Variants in KPNA2 observed in about 807,000 individuals in gnomAD.
KPNA2 encodes karyopherin subunit alpha 2.
A neutral mutation model predicts 53.7 loss-of-function variants in KPNA2; 20 were observed. That is an observed-to-expected ratio of 0.37 (90% CI 0.26 to 0.54). The LOEUF is 0.54. Ranked by LOEUF, KPNA2 falls within the 20% of genes least tolerant of loss-of-function variation. The pLI, the probability that KPNA2 is intolerant of heterozygous loss-of-function variation, is 0.83. For missense variants in KPNA2, 515 were observed against 640.3 expected (o/e 0.80, Z 2.11); for synonymous variants, 238 against 227.5 (o/e 1.05, Z -0.42).
rs1432180767 is a variant in KPNA2, at chr17:68,044,369, A to T, written c.1213A>T (p.Thr405Ser). 1 of 1,613,934 alleles carries T rather than the reference A, an allele frequency of 6.2e-7. No homozygotes were observed. The highest frequency in any genetic ancestry group is 8.5e-7 in the Non-Finnish European group (1 of 1,179,922). The part of the protein sequence containing the change: ...KEAVWAVTNY[T>S]SGGTVEQIVY... ...AGCTGTGTGGGCCGTGACCAACTATACCAGTGGTGGAACAGTTGAACAGAT... is the reference window on the plus strand; with the variant it reads ...AGCTGTGTGGGCCGTGACCAACTATTCCAGTGGTGGAACAGTTGAACAGAT... Residue 405 changes from threonine to serine, a missense_variant, in exon 9 of 11, where the codon ACC becomes TCC. By Grantham distance (58) the Thr-to-Ser change is moderately conservative. Transcript: ENST00000330459.
At chr17:68,036,928 G>A (rs1361753151) in intron 1 of KPNA2, 182 bp from the exon 2 acceptor site, 2 of 518,898 alleles carry the variant, frequency 3.9e-6, no homozygotes, top group Non-Finnish European at 6.8e-6. Context: ...CAGCCCTTTA[G>A]AGGGAAGGGG....
Position 68,045,772 on chromosome 17 carries a change from G to A in KPNA2, c.1348G>A (p.Ala450Thr). 6 of 1,532,752 alleles carry A rather than the reference G, an allele frequency of 3.9e-6. No homozygotes were observed. The highest frequency in any genetic ancestry group is 5.2e-6 in the Non-Finnish European group (6 of 1,144,990). 94.9% of individuals were successfully genotyped at this position (1,532,752 alleles called of 1,614,324 possible). A position where few individuals can be genotyped will look rare whatever the true frequency, so the allele number is the denominator to read the frequency against. ...ILDAISNIFQ[A>T]AEKLGETEKL... ...AAACTTGGATTTTTTTTTTTTTTAG[G>A]CTGCTGAGAAACTAGGTGAAACTGA... The change falls in exon 10 of 11, where the codon GCT becomes ACT. Residue 450 changes from alanine (A) to threonine (T), a missense_variant and splice_region_variant. Coordinates refer to ENST00000330459, the MANE Select transcript of KPNA2 (RefSeq NM_002266.4).
rs1333896035 is a variant in KPNA2 at position 68,040,614 on chromosome 17, G to T, written c.214-64G>T. The T allele has an allele frequency of 3.7e-6, 4 of 1,072,442 alleles. No individual in the cohort carries two copies. In the Admixed American group the frequency reaches 5.3e-5, roughly 14 times the overall value. 66.4% of individuals were successfully genotyped at this position (1,072,442 alleles called of 1,614,324 possible). ...TGTTTACACTTGCCTTCACAAGTAA[G>T]TGTGGATTTTATTGTTTGTATTTAA... On this transcript the variant is annotated intron_variant, in intron 3 of 10. Coordinates refer to ENST00000330459, the MANE Select transcript of KPNA2 (RefSeq NM_002266.4).
chr17:68,043,908 C>G lies in KPNA2; in HGVS notation c.1001C>G (p.Ala334Gly), dbSNP rs782405067. The G allele has an allele frequency of 1.5e-5, 24 of 1,613,186 alleles. No individual in the cohort carries two copies. The highest frequency in any genetic ancestry group is 1.9e-5 in the Non-Finnish European group (22 of 1,179,596). Residue 334 changes from alanine (A) to glycine (G), a missense_variant, in exon 8 of 11, where the codon GCA becomes GGA. Coordinates refer to ENST00000330459, the MANE Select transcript of KPNA2 (RefSeq NM_002266.4). ...TDEQTQVVIDAGALAVFPSLL... is the reference protein window; with the variant it reads ...TDEQTQVVIDGGALAVFPSLL... ...GAACAGACTCAGGTTGTGATTGATG[C>G]AGGAGCACTCGCCGTCTTTCCCAGC...
At chr17:68,036,949 C>A (rs782142318) in intron 1 of KPNA2, 161 bp from the exon 2 acceptor site, 2 of 576,162 alleles carry the variant, frequency 3.5e-6, no homozygotes, top group Non-Finnish European at 6.1e-6. Context: ...GACACTTCCC[C>A]TTTGGGTAAA....
rs139792733 is a variant in KPNA2 at position 68,037,489 on chromosome 17, C to G, written c.207C>G (p.Asn69Lys). The change falls in exon 3 of 11, where the codon AAC (asparagine) becomes AAG (lysine). Residue 69 changes from asparagine to lysine, a missense_variant. By Grantham distance (94) the Asn-to-Lys change is moderately conservative. Coordinates refer to ENST00000330459, the MANE Select transcript of KPNA2 (RefSeq NM_002266.4). ...CTTCTCCGCTGCAGGAAAACCGCAA[C>G]AACCAGGTAAAAAATGTATTTTAGT... ...DATSPLQENR[N>K]NQGTVNWSVD... The G allele has an allele frequency of 1.2e-6, 2 of 1,611,190 alleles. No individual in the cohort carries two copies. The highest frequency in any genetic ancestry group is 2.7e-5 in the African/African-American group (2 of 74,790).
chr17:68,039,420 C>A (rs184939378), intron 3 of KPNA2, among the ~76,000 whole-genome samples: 1 of 151,998 alleles, frequency 6.6e-6, no homozygotes, highest in African/African-American at 2.4e-5. Context: ...TTCGCCCAGC[C>A]AAACATAAAC....
chr17:68,044,354 G>A lies in KPNA2; in HGVS notation c.1198G>A (p.Ala400Thr). 6.2e-7 allele frequency: 1 copy of A among 1,614,032 alleles called. No individual in the cohort carries two copies. The highest frequency in any genetic ancestry group is 8.5e-7 in the Non-Finnish European group (1 of 1,179,992). The part of the protein sequence containing the change: ...DFKTQKEAVW[A>T]VTNYTSGGTV... Reference sequence around the variant, plus strand: ...TAAGACACAAAAGGAAGCTGTGTGGGCCGTGACCAACTATACCAGTGGTGG... The same window carrying A: ...TAAGACACAAAAGGAAGCTGTGTGGACCGTGACCAACTATACCAGTGGTGG... Residue 400 changes from alanine to threonine, a missense_variant, in exon 9 of 11, where the codon GCC (alanine) becomes ACC (threonine). Coordinates refer to ENST00000330459, the MANE Select transcript of KPNA2 (RefSeq NM_002266.4).
Position 68,043,053 on chromosome 17 carries a change from T to G in KPNA2, c.667-47T>G, listed in dbSNP as rs782493293. The G allele has an allele frequency of 1.2e-6, 2 of 1,613,076 alleles. No individual in the cohort carries two copies. The highest frequency in any genetic ancestry group is 2.2e-5 in the South Asian group (2 of 91,046). Reference sequence around the variant, plus strand: ...CACTTCTTCATTCTAATTTCCCCCATCTTCTCAAAAGACAGAACCTCTCAT... The same window carrying G: ...CACTTCTTCATTCTAATTTCCCCCAGCTTCTCAAAAGACAGAACCTCTCAT... On this transcript the variant is annotated intron_variant, in intron 6 of 10. Coordinates refer to ENST00000330459, the MANE Select transcript of KPNA2 (RefSeq NM_002266.4).
chr17:68,046,478 A>G (rs1234841095), intron 10 of KPNA2, 26 bp from the exon 11 acceptor site: 3 of 1,433,552 alleles, frequency 2.1e-6, no homozygotes, highest in African/African-American at 1.4e-5. Flanking sequence ...TATCATTTTT[A>G]TACTTATTTT....
chr17:68,043,038 T>G, intron 6 of KPNA2, 39 bp downstream of exon 6: 1 of 1,612,272 alleles, frequency 6.2e-7, no homozygotes, highest in Non-Finnish European at 8.5e-7. Flanking sequence ...CACTTCTTCA[T>G]TCTAATTTCC....
intron 10 of KPNA2, 78 bp from the exon 11 acceptor site, chr17:68,046,426 A>G (rs782038746): frequency 2.9e-4 from 248 of 842,758 alleles, no homozygotes; most frequent in Admixed American, 7.2e-4. Flanking sequence ...AGACCTAGAG[A>G]TTAAATACAG....
rs909148374 is a variant in KPNA2 at position 68,035,787 on chromosome 17, A to T, written c.-77A>T. On this transcript the variant is annotated 5_prime_UTR_variant, in exon 1 of 11. Transcript: ENST00000330459. ...GACCCTTTGAACGCAGTCGCCCTACAGCCGCTGATTCCCCCCGCATCGCCT... is the reference window on the plus strand; with the variant it reads ...GACCCTTTGAACGCAGTCGCCCTACTGCCGCTGATTCCCCCCGCATCGCCT... The T allele has an allele frequency of 6.6e-6, 1 of 152,598 alleles. No homozygotes were observed. The highest frequency in any genetic ancestry group is 1.5e-5 in the Non-Finnish European group (1 of 68,420). The allele number at this position is 152,598 out of a possible 1,614,324, so 9.5% of individuals were successfully genotyped here. A position where few individuals can be genotyped will look rare whatever the true frequency, so the allele number is the denominator to read the frequency against.
chr17:68,043,616 G>C (rs1186995258), intron 7 of KPNA2, among the ~76,000 whole-genome samples: 1 of 150,832 alleles, frequency 6.6e-6, no homozygotes, highest in Non-Finnish European at 1.5e-5. Flanking sequence ...TAAGGCAGGA[G>C]AATTGCTTGA....
chr17:68,046,152 G>C (rs1415786265), intron 10 of KPNA2, among the ~76,000 whole-genome samples: 1 of 152,148 alleles, frequency 6.6e-6, no homozygotes, highest in Non-Finnish European at 1.5e-5. Context: ...GAACAACCTT[G>C]AGAATCTTAG....
Position 68,044,244 on chromosome 17 carries a change from G to GT in KPNA2, c.1165-72dup, listed in dbSNP as rs2071301706. 15 of 1,438,840 alleles carry GT rather than the reference G, an allele frequency of 1.0e-5. 1 individual carries two copies. In the South Asian group the frequency reaches 1.9e-4, roughly 18 times the overall value. 89.1% of individuals were successfully genotyped at this position (1,438,840 alleles called of 1,614,324 possible). A position where few individuals can be genotyped will look rare whatever the true frequency, so the allele number is the denominator to read the frequency against. ...TAGAACCTTGGTACTTTCAGTCATT[G>GT]TTTTTGTGAAAAAGTACTCTTGGAA... is the stretch of plus-strand genomic sequence containing the variant. On this transcript the variant is annotated intron_variant, in intron 8 of 10. Transcript: ENST00000330459.
At chr17:68,043,057 C>T in intron 6 of KPNA2, 43 bp from the exon 7 acceptor site, 2 of 1,613,360 alleles carry the variant, frequency 1.2e-6, no homozygotes, top group East Asian at 2.2e-5. Flanking sequence ...CCCCCATCTT[C>T]TCAAAAGACA....
chr17:68,038,297 G>A (rs942521933), intron 3 of KPNA2, among the ~76,000 whole-genome samples: 1 of 152,000 alleles, frequency 6.6e-6, no homozygotes, highest in Non-Finnish European at 1.5e-5. Context: ...TAGTAGAGGC[G>A]GGGTTTCACC....
rs1156419866 is a variant in KPNA2 at position 68,046,732 on chromosome 17, C to G, written c.*136C>G. 5 of 631,534 alleles carry G rather than the reference C, an allele frequency of 7.9e-6. No individual in the cohort carries two copies. Among genetic ancestry groups the G allele is most frequent in the African/African-American group, 7.3e-5 (4 of 54,564 alleles). 39.1% of individuals were successfully genotyped at this position (631,534 alleles called of 1,614,324 possible). A position where few individuals can be genotyped will look rare whatever the true frequency, so the allele number is the denominator to read the frequency against. Reference sequence around the variant, plus strand: ...ACACTGAAACTATACTTGAACAGTTCCAACTGTACATACATACTGTATGAA... The same window carrying G: ...ACACTGAAACTATACTTGAACAGTTGCAACTGTACATACATACTGTATGAA... On this transcript the variant is annotated 3_prime_UTR_variant, in exon 11 of 11. Transcript: ENST00000330459.
Sources: allele counts gnomAD v4.1 joint callset (sites outside exome capture counted in the v4.1 genomes callset), GRCh38; gene constraint gnomAD v4.1.1; transcripts MANE v1.5; gene names NCBI Gene and HGNC (gene_info 2026-07-23, HGNC 2026-07-21).